The following AK5 variants were observed in gnomAD, a reference collection of about 807,000 sequenced individuals.
AK5 encodes adenylate kinase isoenzyme 5.
Under a neutral mutation model 69.5 loss-of-function variants are expected in AK5, and 27 were observed. The observed-to-expected ratio is 0.39, with a 90% confidence interval of 0.29 to 0.54. The LOEUF (loss-of-function observed/expected upper bound fraction) is 0.54, where lower values mean the gene tolerates loss of function less well. Among genes scored for constraint, AK5 ranks in the 20% least tolerant of loss-of-function variants. The pLI is 0.71. For missense variants in AK5, 531 were observed against 700.4 expected, an observed-to-expected ratio of 0.76 and a Z score of 2.73; for synonymous variants, 260 against 244.4, an observed-to-expected ratio of 1.06 and a Z score of -0.60.
intron 5 of AK5, among the ~76,000 whole-genome samples, chr1:77,312,651 T>G (rs1402651648): frequency 6.6e-6 from 1 of 150,936 alleles, no homozygotes; most frequent in Non-Finnish European, 1.5e-5. Context: ...TTAAGCAATC[T>G]GGTTCATTCA....
intron 12 of AK5, among the ~76,000 whole-genome samples, chr1:77,532,941 T>C (rs995182989): frequency 2.0e-5 from 3 of 152,212 alleles, no homozygotes; most frequent in African/African-American, 7.2e-5. Flanking sequence ...ACCAGACAGC[T>C]ACTCCAAGGG....
intron 6 of AK5, among the ~76,000 whole-genome samples, chr1:77,381,633 G>A (rs1182236227): frequency 6.6e-6 from 1 of 152,128 alleles, no homozygotes; most frequent in East Asian, 1.9e-4. Context: ...TGACTTCACA[G>A]GGGTTTGCTT....
intron 6 of AK5, among the ~76,000 whole-genome samples, chr1:77,358,441 A>G (rs1426234237): frequency 6.6e-6 from 1 of 152,166 alleles, no homozygotes; most frequent in Non-Finnish European, 1.5e-5. Context: ...ATTTGTTCTC[A>G]TCTCCATGTC....
intron 7 of AK5, among the ~76,000 whole-genome samples, chr1:77,415,235 C>T (rs1235778509): frequency 3.9e-5 from 6 of 152,188 alleles, no homozygotes; most frequent in African/African-American, 1.2e-4. Flanking sequence ...GCTCCGTTTT[C>T]AAGTATTAAC....
intron 7 of AK5, among the ~76,000 whole-genome samples, chr1:77,415,567 C>T (rs981162759): frequency 3.9e-5 from 6 of 152,182 alleles, no homozygotes; most frequent in East Asian, 1.9e-4. Flanking sequence ...ATAGCAGCCA[C>T]CTAGAAGGGA....
intron 5 of AK5, among the ~76,000 whole-genome samples, chr1:77,312,858 G>T (rs1209209831): frequency 2.0e-5 from 3 of 151,976 alleles, no homozygotes; most frequent in African/African-American, 4.8e-5. Context: ...GTCCTAATTA[G>T]GCTTGTATAT....
intron 12 of AK5, among the ~76,000 whole-genome samples, chr1:77,527,658 G>A (rs1028618970): frequency 6.6e-6 from 1 of 152,226 alleles, no homozygotes; most frequent in Non-Finnish European, 1.5e-5. Flanking sequence ...GAGACCAAGA[G>A]TGACATTGAT....
intron 13 of AK5, among the ~76,000 whole-genome samples, chr1:77,556,758 T>C (rs1660125644): frequency 6.6e-6 from 1 of 152,170 alleles, no homozygotes; most frequent in Admixed American, 6.5e-5. Context: ...TCTCAAAGTG[T>C]GCTTGTAAAT....
chr1:77,558,476 T>G (rs1423300356), intron 13 of AK5, 126 bp from the exon 14 acceptor site: 1 of 476,222 alleles, frequency 2.1e-6, no homozygotes, highest in Non-Finnish European at 3.7e-6. Flanking sequence ...TCTCTGTGTT[T>G]TGGGGGGGGT....
At chr1:77,357,967 A>G (rs1464023504) in intron 6 of AK5, among the ~76,000 whole-genome samples, 3 of 144,538 alleles carry the variant, frequency 2.1e-5, no homozygotes, top group Non-Finnish European at 4.6e-5. Context: ...GTTCCTTTTT[A>G]AAACATGTAA....
At chr1:77,510,971 T>TA (rs1311972871) in intron 10 of AK5, among the ~76,000 whole-genome samples, 2 of 149,448 alleles carry the variant, frequency 1.3e-5, no homozygotes, top group African/African-American at 2.4e-5. Context: ...TTGTCTCCTG[T>TA]AAAATATAAT....
At chr1:77,461,395 G>A (rs1270722484) in intron 8 of AK5, among the ~76,000 whole-genome samples, 1 of 152,024 alleles carries the variant, frequency 6.6e-6, no homozygotes, top group African/African-American at 2.4e-5. Context: ...GGTTACCAGA[G>A]GCTGGGGTGG....
chr1:77,453,324 T>A (rs1653268614), intron 8 of AK5, among the ~76,000 whole-genome samples: 1 of 152,260 alleles, frequency 6.6e-6, no homozygotes, highest in African/African-American at 2.4e-5. Flanking sequence ...GACTGTTGAA[T>A]AAATAATGTA....
intron 13 of AK5, among the ~76,000 whole-genome samples, chr1:77,543,347 A>G (rs1484955478): frequency 6.6e-6 from 1 of 152,196 alleles, no homozygotes; most frequent in Non-Finnish European, 1.5e-5. Flanking sequence ...TCTGTACTAA[A>G]TTCTTAATTT....
At chr1:77,363,963 G>A (rs530690359) in intron 6 of AK5, among the ~76,000 whole-genome samples, 2 of 152,136 alleles carry the variant, frequency 1.3e-5, no homozygotes, top group South Asian at 4.2e-4. Context: ...CATGAAGGCC[G>A]GGATTTTTTT....
At chr1:77,490,486 G>A (rs978879056) in intron 10 of AK5, among the ~76,000 whole-genome samples, 7 of 152,272 alleles carry the variant, frequency 4.6e-5, no homozygotes, top group East Asian at 3.9e-4. Context: ...TCTTGTTCCC[G>A]AAGAAAGCAG....
At position 77,406,198 on chromosome 1, in the gene AK5, G is replaced by A. The variant is rs1323323227; in HGVS notation, c.892-4783G>A. Among the ~76,000 whole-genome samples, 2 of 127,442 alleles carry A rather than the reference G, an allele frequency of 1.6e-5. 1 individual carries two copies. The highest frequency in any genetic ancestry group is 3.3e-5 in the Non-Finnish European group (2 of 61,010). 83.6% of individuals were successfully genotyped at this position (127,442 alleles called of 152,430 possible). Reference sequence around the variant, plus strand: ...CTCACTGTACCTTTGTGGCCACCTTGTATCTGCCCTAAACTACCAGTTTTC... The same window carrying A: ...CTCACTGTACCTTTGTGGCCACCTTATATCTGCCCTAAACTACCAGTTTTC... On this transcript the variant is annotated intron_variant, in intron 6 of 13. Transcript: ENST00000354567.
intron 8 of AK5, among the ~76,000 whole-genome samples, chr1:77,430,528 G>A (rs1479246429): frequency 1.3e-5 from 2 of 152,152 alleles, no homozygotes; most frequent in African/African-American, 4.8e-5. Context: ...TATCTGAGCT[G>A]GAAATACAAA....
At chr1:77,511,253 A>T (rs1327258127) in intron 10 of AK5, among the ~76,000 whole-genome samples, 1 of 152,196 alleles carries the variant, frequency 6.6e-6, no homozygotes, top group Non-Finnish European at 1.5e-5. Context: ...TGAGCATGAC[A>T]TTACACAGAA....
Sources: allele counts gnomAD v4.1 joint callset (sites outside exome capture counted in the v4.1 genomes callset), GRCh38; gene constraint gnomAD v4.1.1; transcripts MANE v1.5; gene names NCBI Gene and HGNC (gene_info 2026-07-23, HGNC 2026-07-21).